ADCY5: variants seen among roughly 807,000 people sequenced by gnomAD.
The protein encoded by ADCY5 is adenylate cyclase 5, also known as adenylate cyclase type 5.
Under a neutral mutation model 119.7 loss-of-function variants are expected in ADCY5, and 30 were observed. The ratio of observed to expected loss-of-function variants is 0.25; its 90% CI spans 0.19 to 0.34. The LOEUF (loss-of-function observed/expected upper bound fraction) is 0.34. ADCY5 is among the 10% of genes least tolerant of loss of function. ADCY5 has a pLI of 1.00. For missense variants in ADCY5, 1,324 were observed against 1,775.2 expected, an observed-to-expected ratio of 0.75 and a Z score of 4.57; for synonymous variants, 753 against 762.2, an observed-to-expected ratio of 0.99 and a Z score of 0.20.
intron 1 of ADCY5, among the ~76,000 whole-genome samples, chr3:123,364,927 G>A (rs1229211980): frequency 7.0e-6 from 1 of 143,186 alleles, no homozygotes; most frequent in African/African-American, 2.6e-5. Flanking sequence ...GGTATCCTGT[G>A]TTTTTCACTT....
Position 123,411,534 on chromosome 3 carries a change from C to T in ADCY5, c.1134+35878G>A, listed in dbSNP as rs552722020. Among the ~76,000 whole-genome samples the T allele has an allele frequency of 1.6e-4, 24 of 152,326 alleles. No homozygotes were observed. The South Asian group carries it at 2.7e-3, about 17-fold the overall frequency. On this transcript the variant is annotated intron_variant, in intron 1 of 20. Coordinates refer to ENST00000462833, the MANE Select transcript of ADCY5 (RefSeq NM_183357.3). ...AGCCTGAGGGGACAAAGGACAAAGG[C>T]CTAAGCCTGGCCCAGGATCCCAGTG...
Position 123,448,360 on chromosome 3 carries a change from G to A in ADCY5, c.186C>T (p.Thr62=), listed in dbSNP as rs1362755886. Residue 62 remains threonine (T), a synonymous_variant, in exon 1 of 21, where the codon ACC becomes ACT. Coordinates refer to ENST00000462833, the MANE Select transcript of ADCY5 (RefSeq NM_183357.3). ...GSTKKPGGAV[T]PQQQQRLASR... is the part of the protein sequence containing the mutation. ...TGGCCAGGCGCTGCTGCTGCTGCGGGGTCACCGCCCCCCCGGGTTTCTTGG... is the reference window on the plus strand; with the variant it reads ...TGGCCAGGCGCTGCTGCTGCTGCGGAGTCACCGCCCCCCCGGGTTTCTTGG... 5 of 1,508,458 alleles carry A rather than the reference G, an allele frequency of 3.3e-6. No homozygotes were observed. Among genetic ancestry groups the A allele is most frequent in the Non-Finnish European group, 4.4e-6 (5 of 1,139,588 alleles). 93.4% of individuals were successfully genotyped at this position (1,508,458 alleles called of 1,614,324 possible). A position where few individuals can be genotyped will look rare whatever the true frequency, so the allele number is the denominator to read the frequency against.
intron 20 of ADCY5, 85 bp from the exon 21 acceptor site, chr3:123,284,821 C>T (rs781283249): frequency 2.0e-5 from 31 of 1,569,158 alleles, no homozygotes; most frequent in Non-Finnish European, 2.7e-5. Context: ...TCTGACTGCC[C>T]AGCCCTGTTG....
chr3:123,303,891 G>GAGAAGAGAAGAGAAGAGAAGAGAAGAGA, intron 13 of ADCY5, among the ~76,000 whole-genome samples, 176 bp downstream of exon 13: 1 of 80,340 alleles, frequency 1.2e-5, no homozygotes, highest in Non-Finnish European at 2.3e-5. Flanking sequence ...GAGAAGAGAA[G>GAGAAGAGAAGAGAAGAGAAGAGAAGAGA]AGAAGAAAGA....
rs186990051 is a variant in ADCY5 at position 123,388,255 on chromosome 3, C to T, written c.1135-35674G>A. Among the ~76,000 whole-genome samples, 31 of 152,162 alleles carry T rather than the reference C, an allele frequency of 2.0e-4. No individual in the cohort carries two copies. In the East Asian group the frequency reaches 5.4e-3, roughly 27 times the overall value. ...CTAACCAGGGCAGGTTGGGAGGGGC[C>T]GCGGAGGTTGGAGGAATGGAGGGGA... On this transcript the variant is annotated intron_variant, in intron 1 of 20. Transcript: ENST00000462833.
Position 123,331,913 on chromosome 3 carries a change from C to T in ADCY5, c.1518+651G>A, listed in dbSNP as rs560541269. On this transcript the variant is annotated intron_variant, in intron 4 of 20. Coordinates refer to ENST00000462833, the MANE Select transcript of ADCY5 (RefSeq NM_183357.3). ...GCCTCTCATCAATAACCCGGCCTGGCGTCCTGTGTGGGCCAAGGGGAATGT... is the reference window on the plus strand; with the variant it reads ...GCCTCTCATCAATAACCCGGCCTGGTGTCCTGTGTGGGCCAAGGGGAATGT... 4.6e-5 allele frequency among the ~76,000 whole-genome samples: 7 copies of T among 152,318 alleles called. No individual in the cohort carries two copies. The East Asian group carries it at 5.8e-4, about 13-fold the overall frequency.
In ADCY5 at chr3:123,419,244, C is replaced by T. The variant is rs539457370; in HGVS notation, c.1134+28168G>A. ...ACAGTCAGGTGGCACTCAAGGCCCT[C>T]CCCTCCACGCGCCCCCACAGGCCAG... On this transcript the variant is annotated intron_variant, in intron 1 of 20. Transcript: ENST00000462833. 329 of 984,600 alleles carry T rather than the reference C, an allele frequency of 3.3e-4. 1 individual carries two copies. The highest frequency in any genetic ancestry group is 3.9e-4 in the Non-Finnish European group (323 of 829,202). 61.0% of individuals were successfully genotyped at this position (984,600 alleles called of 1,614,324 possible).
intron 1 of ADCY5, among the ~76,000 whole-genome samples, chr3:123,356,895 T>C (rs1342582587): frequency 6.6e-6 from 1 of 152,140 alleles, no homozygotes; most frequent in African/African-American, 2.4e-5. Context: ...ACAAAAATCT[T>C]TGCATAAATA....
In ADCY5 at chr3:123,327,686, C is replaced by T. The variant is rs1335271413; in HGVS notation, c.1879G>A (p.Glu627Lys). Residue 627 changes from glutamate (E) to lysine (K), a missense_variant, in exon 7 of 21, where the codon GAG becomes AAG. Physicochemically the swap from Glu to Lys is moderately conservative, Grantham distance 56. Transcript: ENST00000462833. ...TGCTCCTTGAGGTAGGCGTTGCGCT[C>T]GCCCCCACAGCCTGGCTCCACCTCG... The part of the protein sequence containing the change: ...DYEVEPGCGG[E>K]RNAYLKEHSI... 7 of 1,613,954 alleles carry T rather than the reference C, an allele frequency of 4.3e-6. No individual in the cohort carries two copies. The highest frequency in any genetic ancestry group is 2.7e-5 in the African/African-American group (2 of 74,880).
intron 1 of ADCY5, among the ~76,000 whole-genome samples, chr3:123,423,775 C>G (rs937898745): frequency 2.0e-5 from 3 of 152,154 alleles, no homozygotes; most frequent in Non-Finnish European, 4.4e-5. Flanking sequence ...GAAGGGTTCT[C>G]GGGTATGAGG....
chr3:123,370,545 A>C (rs1268063458), intron 1 of ADCY5, among the ~76,000 whole-genome samples: 1 of 152,230 alleles, frequency 6.6e-6, no homozygotes, highest in Non-Finnish European at 1.5e-5. Flanking sequence ...GATAGGCTCC[A>C]AACCCAGCTT....
intron 3 of ADCY5, among the ~76,000 whole-genome samples, chr3:123,341,492 G>A (rs888077039): frequency 3.9e-5 from 6 of 151,910 alleles, no homozygotes; most frequent in African/African-American, 1.5e-4. Flanking sequence ...AGGATGGGGA[G>A]TTAGCGCTTA....
At chr3:123,320,851 G>T in intron 8 of ADCY5, 80 bp from the exon 9 acceptor site, 1 of 1,040,298 alleles carries the variant, frequency 9.6e-7, no homozygotes, top group Non-Finnish European at 1.5e-6. Flanking sequence ...CTAGATGGCT[G>T]CAGCTCATCT....
In ADCY5 at chr3:123,322,173, C is replaced by T. The variant is rs566271029; in HGVS notation, c.2089-1402G>A. Among the ~76,000 whole-genome samples, 297 of 152,330 alleles carry T rather than the reference C, an allele frequency of 1.9e-3. 1 individual carries two copies. The highest frequency in any genetic ancestry group is 6.9e-3 in the African/African-American group (287 of 41,582). On this transcript the variant is annotated intron_variant, in intron 8 of 20. Transcript: ENST00000462833. ...GGCGGGCAGCAGAGAGCTGGACAGG[C>T]GAGCTCCCTGTGGAAGACCCCCTGC...
chr3:123,313,250 C>T (rs1029328028), intron 12 of ADCY5, among the ~76,000 whole-genome samples: 5 of 152,116 alleles, frequency 3.3e-5, no homozygotes, highest in Non-Finnish European at 2.9e-5. Context: ...CATGACGTGA[C>T]TATACGGTTA....
At chr3:123,285,926 G>C (rs935958474) in intron 20 of ADCY5, among the ~76,000 whole-genome samples, 2 of 152,196 alleles carry the variant, frequency 1.3e-5, no homozygotes, top group Non-Finnish European at 2.9e-5. Context: ...CTGTGGGGGA[G>C]AGAAGTCAGG....
At chr3:123,355,191 G>A (rs932827434) in intron 1 of ADCY5, among the ~76,000 whole-genome samples, 1 of 152,176 alleles carries the variant, frequency 6.6e-6, no homozygotes, top group Admixed American at 6.5e-5. Context: ...TGACATGATT[G>A]TCTATGTAGA....
chr3:123,348,019 G>A (rs1044672865), intron 2 of ADCY5, 116 bp from the exon 3 acceptor site: 86 of 1,268,396 alleles, frequency 6.8e-5, no homozygotes, highest in Non-Finnish European at 9.5e-5. Flanking sequence ...AGGCTCTCCC[G>A]GGACTCCTGG....
chr3:123,448,054 C>A lies in ADCY5; in HGVS notation c.492G>T (p.Arg164=), dbSNP rs1489923641. 2.5e-5 allele frequency: 31 copies of A among 1,247,366 alleles called. No individual in the cohort carries two copies. Among genetic ancestry groups the A allele is most frequent in the Non-Finnish European group, 3.1e-5 (31 of 995,054 alleles). 77.3% of individuals were successfully genotyped at this position (1,247,366 alleles called of 1,614,324 possible). A position where few individuals can be genotyped will look rare whatever the true frequency, so the allele number is the denominator to read the frequency against. The part of the protein sequence containing the change: ...RSVEVGLEER[R]GKGRAADELE... ...GCTCGTCGGCCGCGCGCCCCTTGCC[C>A]CGCCGCTCCTCCAGACCCACCTCCA... Residue 164 remains arginine (R), a synonymous_variant, in exon 1 of 21, where the codon CGG becomes CGT. Transcript: ENST00000462833.
Sources: allele counts gnomAD v4.1 joint callset (sites outside exome capture counted in the v4.1 genomes callset), GRCh38; gene constraint gnomAD v4.1.1; transcripts MANE v1.5; gene names NCBI Gene and HGNC (gene_info 2026-07-23, HGNC 2026-07-21).